Variants in TRPM6 observed in about 807,000 individuals in gnomAD.
TRPM6 encodes transient receptor potential cation channel subfamily M member 6, also known as channel kinase 2.
In TRPM6, 111 loss-of-function variants were observed where a neutral mutation model predicts 247.6. That is an observed-to-expected ratio of 0.45 (90% CI 0.38 to 0.52). The LOEUF is 0.52. Among genes scored for constraint, TRPM6 ranks in the 20% least tolerant of loss-of-function variants. The pLI is 0.00. For synonymous variants in TRPM6, 892 were observed against 853.8 expected (o/e 1.04, Z -0.78); for missense variants, 2,126 against 2,421.5 (o/e 0.88, Z 2.56).
At position 74,842,314 on chromosome 9, in the gene TRPM6, T is replaced by C; in HGVS notation, c.182A>G (p.His61Arg). The C allele has an allele frequency of 6.2e-7, 1 of 1,614,168 alleles. No individual in the cohort carries two copies. The highest frequency in any genetic ancestry group is 1.1e-5 in the South Asian group (1 of 91,082). The change falls in exon 4 of 39, where the codon CAT (histidine) becomes CGT (arginine). Residue 61 changes from histidine (H) to arginine (R), a missense_variant. His to Arg is a conservative substitution (Grantham distance 29, BLOSUM62 0). Around this residue, in one of 3 missense-constraint regions of TRPM6, gnomAD observed 1,082 missense variants for 1,307.9 expected, o/e 0.83. Transcript: ENST00000360774. ...GGTCCAGGAATAATCTATCCCAGCA[T>C]GGTCTCCAATCAGTCGGCCACAGTA... is the stretch of plus-strand genomic sequence containing the variant. The part of the protein sequence containing the change: ...RCYCGRLIGD[H>R]AGIDYSWTIS...
At chr9:74,792,145 G>A (rs1827926745) in intron 19 of TRPM6, among the ~76,000 whole-genome samples, 1 of 152,140 alleles carries the variant, frequency 6.6e-6, no homozygotes, top group African/African-American at 2.4e-5. Flanking sequence ...ACAAATCTTT[G>A]AATGCTGTCT....
chr9:74,825,175 T>C (rs1350530572), intron 7 of TRPM6, among the ~76,000 whole-genome samples: 4 of 152,032 alleles, frequency 2.6e-5, no homozygotes, highest in African/African-American at 9.7e-5. Flanking sequence ...GGCAGGAGAA[T>C]TGTTTGAACC....
intron 14 of TRPM6, among the ~76,000 whole-genome samples, chr9:74,807,637 C>T (rs1257108170): frequency 6.6e-6 from 1 of 151,972 alleles, no homozygotes; most frequent in Non-Finnish European, 1.5e-5. Flanking sequence ...AGACTATGGA[C>T]TAGGATGAGT....
chr9:74,796,491 T>G (rs750847413), intron 18 of TRPM6, among the ~76,000 whole-genome samples: 34 of 152,338 alleles, frequency 2.2e-4, no homozygotes, highest in Non-Finnish European at 4.6e-4. Flanking sequence ...TGTACAGGGC[T>G]TAATTAGTTC....
chr9:74,825,825 T>G (rs1009554054), intron 7 of TRPM6, among the ~76,000 whole-genome samples: 2 of 152,028 alleles, frequency 1.3e-5, no homozygotes, highest in African/African-American at 4.8e-5. Context: ...CAGGTAATAT[T>G]TCAGGCCCCT....
chr9:74,785,323 T>C (rs1029962855), intron 21 of TRPM6, among the ~76,000 whole-genome samples: 2 of 152,106 alleles, frequency 1.3e-5, no homozygotes, highest in Non-Finnish European at 2.9e-5. Context: ...AGGGTGACTA[T>C]AGTTAATAAT....
At chr9:74,879,996 G>A (rs928364794) in intron 1 of TRPM6, among the ~76,000 whole-genome samples, 3 of 152,038 alleles carry the variant, frequency 2.0e-5, no homozygotes, top group African/African-American at 7.3e-5. Flanking sequence ...TCTTCAGGTA[G>A]ATAGTGTCAG....
At chr9:74,855,586 C>T (rs756459297) in intron 2 of TRPM6, 21 bp from the exon 3 acceptor site, 2 of 1,551,764 alleles carry the variant, frequency 1.3e-6, no homozygotes, top group Non-Finnish European at 1.8e-6. Flanking sequence ...GAAATAAAAC[C>T]TCTGTTAGTT....
chr9:74,730,789 C>A (rs772296979), intron 37 of TRPM6, among the ~76,000 whole-genome samples: 12 of 152,130 alleles, frequency 7.9e-5, no homozygotes, highest in Non-Finnish European at 1.5e-4. Context: ...AGACGTAATT[C>A]CCCATGATCA....
chr9:74,830,136 AC>A (rs1172076561), intron 6 of TRPM6, among the ~76,000 whole-genome samples: 3 of 152,176 alleles, frequency 2.0e-5, no homozygotes, highest in African/African-American at 4.8e-5. Context: ...TCTTAAAAAA[AC>A]AAAACAAAAC....
chr9:74,732,775 T>G (rs767722146), intron 36 of TRPM6, 39 bp from the exon 37 acceptor site: 29 of 1,426,252 alleles, frequency 2.0e-5, no homozygotes, highest in Non-Finnish European at 2.8e-5. Flanking sequence ...CAAATGGAGA[T>G]TTCATTTTCT....
At chr9:74,843,754 G>C (rs552018462) in intron 3 of TRPM6, among the ~76,000 whole-genome samples, 1 of 149,964 alleles carries the variant, frequency 6.7e-6, no homozygotes, top group Admixed American at 6.7e-5. Context: ...GGTGGAGCTT[G>C]CAGTGAGCCG....
chr9:74,842,286 G>C lies in TRPM6; in HGVS notation c.210C>G (p.Ile70Met). The C allele has an allele frequency of 6.2e-7, 1 of 1,614,086 alleles. No individual in the cohort carries two copies. Among genetic ancestry groups the C allele is most frequent in the Non-Finnish European group, 8.5e-7 (1 of 1,180,028 alleles). ...CACTTTCTTTACCCTTGGCAGCTGA[G>C]ATGGTCCAGGAATAATCTATCCCAG... Reference protein sequence around the residue: ...DHAGIDYSWTISAAKGKESEQ... With the variant: ...DHAGIDYSWTMSAAKGKESEQ... Residue 70 changes from isoleucine to methionine, a missense_variant, in exon 4 of 39, where the codon ATC becomes ATG. Around this residue, in one of 3 missense-constraint regions of TRPM6, gnomAD observed 1,082 missense variants for 1,307.9 expected, o/e 0.83. Coordinates refer to ENST00000360774, the MANE Select transcript of TRPM6 (RefSeq NM_017662.5).
chr9:74,829,067 C>T (rs1037604545), intron 6 of TRPM6, among the ~76,000 whole-genome samples: 1 of 152,150 alleles, frequency 6.6e-6, no homozygotes, highest in African/African-American at 2.4e-5. Context: ...CCGAAGCTAG[C>T]GGATCAGTTG....
chr9:74,820,207 G>T, intron 9 of TRPM6, 97 bp downstream of exon 9: 1 of 1,395,558 alleles, frequency 7.2e-7, no homozygotes, highest in Non-Finnish European at 1.0e-6. Flanking sequence ...CCCTTCCTGT[G>T]TCCACCATGT....
In TRPM6 at chr9:74,801,917, C is replaced by T. The variant is rs1484315383; in HGVS notation, c.1990G>A (p.Glu664Lys). ...ESHMVDDASEELKNYSKQFGQ... is the reference protein window; with the variant it reads ...ESHMVDDASEKLKNYSKQFGQ... ...ACTTACTTTGAGTAATTCTTCAACTCTTCTGAGGCATCATCCACCATGTGA... is the reference window on the plus strand; with the variant it reads ...ACTTACTTTGAGTAATTCTTCAACTTTTCTGAGGCATCATCCACCATGTGA... The change falls in exon 16 of 39, where the codon GAG becomes AAG. Residue 664 changes from glutamate to lysine, a missense_variant. By Grantham distance (56) the Glu-to-Lys change is moderately conservative. Transcript: ENST00000360774. 1 of 1,614,098 alleles carries T rather than the reference C, an allele frequency of 6.2e-7. No individual in the cohort carries two copies. Among genetic ancestry groups the T allele is most frequent in the Admixed American group, 1.7e-5 (1 of 60,014 alleles).
In TRPM6 at chr9:74,818,569, C is replaced by G. The variant is rs550230685; in HGVS notation, c.1135-1605G>C. On this transcript the variant is annotated intron_variant, in intron 9 of 38. Transcript: ENST00000360774. ...CCACCCACTTCGGCCTCCCAAAGTG[C>G]TGGGATTATAGGCGTGAGCCAACGT... Among the ~76,000 whole-genome samples the G allele has an allele frequency of 3.2e-4, 48 of 152,268 alleles. 1 individual carries two copies. Among genetic ancestry groups the G allele is most frequent in the African/African-American group, 1.1e-3 (47 of 41,560 alleles).
chr9:74,831,525 T>C (rs1829546342), intron 6 of TRPM6, among the ~76,000 whole-genome samples: 1 of 151,982 alleles, frequency 6.6e-6, no homozygotes, highest in Non-Finnish European at 1.5e-5. Flanking sequence ...TATGTCCCAC[T>C]AAAAGCAAAC....
intron 1 of TRPM6, among the ~76,000 whole-genome samples, chr9:74,879,174 AT>A (rs1439279149): frequency 2.0e-5 from 3 of 151,978 alleles, no homozygotes; most frequent in African/African-American, 7.2e-5. Flanking sequence ...AATTCTCTGA[AT>A]GAAATACAAA....
Sources: allele counts gnomAD v4.1 joint callset (sites outside exome capture counted in the v4.1 genomes callset), GRCh38; gene constraint gnomAD v4.1.1; regional missense constraint gnomAD v4.1.1; transcripts MANE v1.5; gene names NCBI Gene and HGNC (gene_info 2026-07-23, HGNC 2026-07-21).